Variants in ACER2 observed in about 807,000 individuals in gnomAD.
ACER2 encodes alkCDase 2.
A neutral mutation model predicts 34.7 loss-of-function variants in ACER2; 26 were observed. The observed-to-expected ratio is 0.75, with a 90% CI of 0.55 to 1.04. The LOEUF is 1.04. Among genes scored for constraint, ACER2 ranks in the 50% least tolerant of loss-of-function variants. The pLI is 0.00. For missense variants in ACER2, 352 were observed against 340.8 expected (o/e 1.03, Z -0.26); for synonymous variants, 138 against 132.1 (o/e 1.04, Z -0.31).
rs146004810 is a variant in ACER2 at position 19,450,633 on chromosome 9, G to A, written c.825G>A (p.Thr275=). 7 of 1,548,962 alleles carry A rather than the reference G, an allele frequency of 4.5e-6. No homozygotes were observed. The highest frequency in any genetic ancestry group is 2.3e-5 in the East Asian group (1 of 43,746). Residue 275 remains threonine, a synonymous_variant, in exon 6 of 6, where the codon ACG becomes ACA. Coordinates refer to ENST00000340967, the MANE Select transcript of ACER2 (RefSeq NM_001010887.3). ...CANKKSSVKI[T] is the part of the protein sequence containing the mutation. ...ACAAGAAATCATCAGTCAAGATCAC[G>A]TGATGGCAAGATGGTGGCTGGCTTC... is the stretch of plus-strand genomic sequence containing the variant.
intron 3 of ACER2, among the ~76,000 whole-genome samples, chr9:19,430,198 G>A (rs1830708758): frequency 6.7e-6 from 1 of 148,564 alleles, no homozygotes; most frequent in Non-Finnish European, 1.5e-5. Context: ...TTGGTTAAAA[G>A]GGACACAGGC....
At chr9:19,417,179 C>A (rs376090832) in intron 1 of ACER2, among the ~76,000 whole-genome samples, 1 of 152,088 alleles carries the variant, frequency 6.6e-6, no homozygotes, top group East Asian at 1.9e-4. Flanking sequence ...ATATGAAGGA[C>A]CTCTTCAAGG....
At chr9:19,446,673 C>G in intron 5 of ACER2, 1 of 973,690 alleles carries the variant, frequency 1.0e-6, no homozygotes, top group Non-Finnish European at 1.2e-6. Flanking sequence ...TTACCTCTAA[C>G]TCCATTATTA....
At chr9:19,437,205 G>C in intron 4 of ACER2, among the ~76,000 whole-genome samples, 1 of 152,166 alleles carries the variant, frequency 6.6e-6, no homozygotes, top group East Asian at 1.9e-4. Flanking sequence ...CCCAGTCAGA[G>C]CCTTCCTAAA....
intron 5 of ACER2, among the ~76,000 whole-genome samples, chr9:19,447,092 G>C (rs571914133): frequency 6.6e-6 from 1 of 152,100 alleles, no homozygotes; most frequent in Admixed American, 6.5e-5. Context: ...GGGGAAATTG[G>C]AGTGGCTTTC....
At chr9:19,409,213 G>A (rs1830009094) in intron 1 of ACER2, 21 bp downstream of exon 1, 2 of 1,562,542 alleles carry the variant, frequency 1.3e-6, no homozygotes, top group Admixed American at 1.9e-5. Context: ...CGGGAGCGGG[G>A]AAGGCAGGCG....
In ACER2 at chr9:19,409,138, C is replaced by G. The variant is rs538774152; in HGVS notation, c.54C>G (p.Asp18Glu). 21 of 1,607,170 alleles carry G rather than the reference C, an allele frequency of 1.3e-5. No individual in the cohort carries two copies. The African/African-American group carries it at 2.7e-4, about 20-fold the overall frequency. Residue 18 changes from aspartate to glutamate, a missense_variant, in exon 1 of 6, where the codon GAC (aspartate) becomes GAG (glutamate). Transcript: ENST00000340967. Reference sequence around the variant, plus strand: ...TGCAGGCTGGTAGCTCGGAGGTGGACTGGTGCGAGGACAACTACACCATCG... The same window carrying G: ...TGCAGGCTGGTAGCTCGGAGGTGGAGTGGTGCGAGGACAACTACACCATCG... The part of the protein sequence containing the change: ...DQLQAGSSEV[D>E]WCEDNYTIVP...
chr9:19,443,879 A>C (rs1298597071), intron 4 of ACER2, among the ~76,000 whole-genome samples: 1 of 151,522 alleles, frequency 6.6e-6, no homozygotes, highest in African/African-American at 2.4e-5. Flanking sequence ...CTGATCTCCA[A>C]CTCCTGATCT....
At chr9:19,427,003 C>T (rs76887054) in intron 3 of ACER2, among the ~76,000 whole-genome samples, 3,329 of 152,352 alleles carry the variant, frequency 0.022, 127 homozygotes, top group African/African-American at 0.075. Context: ...TATAGCCACT[C>T]TGTCCTCCTT....
At chr9:19,427,736 G>C (rs553474218) in intron 3 of ACER2, among the ~76,000 whole-genome samples, 13 of 149,902 alleles carry the variant, frequency 8.7e-5, no homozygotes, top group African/African-American at 3.2e-4. Flanking sequence ...GCACAATCTG[G>C]TCTCACTGCA....
At chr9:19,414,528 A>G (rs1830181516) in intron 1 of ACER2, among the ~76,000 whole-genome samples, 1 of 152,140 alleles carries the variant, frequency 6.6e-6, no homozygotes, top group Non-Finnish European at 1.5e-5. Flanking sequence ...CACACCTCTA[A>G]TCCTAGTACT....
chr9:19,426,219 C>CT (rs138630695), intron 3 of ACER2, among the ~76,000 whole-genome samples: 86 of 123,392 alleles, frequency 7.0e-4, no homozygotes, highest in African/African-American at 7.2e-4. Context: ...AACTGGTTGA[C>CT]TTTTTTTTTA....
chr9:19,446,739 G>C (rs1831379402), intron 5 of ACER2: 2 of 708,554 alleles, frequency 2.8e-6, no homozygotes, highest in African/African-American at 3.9e-5. Flanking sequence ...CTAGGTGTTG[G>C]GGGAGGGGAG....
At chr9:19,411,575 G>T (rs1830089466) in intron 1 of ACER2, among the ~76,000 whole-genome samples, 1 of 152,074 alleles carries the variant, frequency 6.6e-6, no homozygotes, top group African/African-American at 2.4e-5. Context: ...ATATTTTGAT[G>T]CTTATCACAG....
rs574215593 is a variant in ACER2 at position 19,451,041 on chromosome 9, C to T, written c.*405C>T. 32 of 154,996 alleles carry T rather than the reference C, an allele frequency of 2.1e-4. No individual in the cohort carries two copies. Among genetic ancestry groups the T allele is most frequent in the Non-Finnish European group, 3.7e-4 (26 of 69,648 alleles). The allele number at this position is 154,996 out of a possible 1,614,324, so 9.6% of individuals were successfully genotyped here. On this transcript the variant is annotated 3_prime_UTR_variant, in exon 6 of 6. Transcript: ENST00000340967. ...CAAGGGGAAAAGTGTCTATTCCTTT[C>T]CCAAAGATGGAAAATGGAGGGCTTA...
intron 1 of ACER2, among the ~76,000 whole-genome samples, chr9:19,419,644 T>A (rs1589037902): frequency 1.3e-5 from 2 of 152,218 alleles, no homozygotes; most frequent in African/African-American, 4.8e-5. Context: ...GCGCCTGTAA[T>A]CCCAGCTACT....
chr9:19,429,085 G>C (rs1179783517), intron 3 of ACER2, among the ~76,000 whole-genome samples: 1 of 151,346 alleles, frequency 6.6e-6, no homozygotes, highest in Non-Finnish European at 1.5e-5. Flanking sequence ...ACTGTGCCTG[G>C]CCTGAATTTT....
intron 3 of ACER2, among the ~76,000 whole-genome samples, chr9:19,426,351 CCTCTCTTT>C (rs1163742681): frequency 9.0e-6 from 1 of 111,640 alleles, no homozygotes; most frequent in Non-Finnish European, 1.9e-5. Flanking sequence ...TGTCTTTCTC[CCTCTCTTT>C]CTCTCTCTCT....
chr9:19,410,505 T>C (rs1031525600), intron 1 of ACER2, among the ~76,000 whole-genome samples: 15 of 152,036 alleles, frequency 9.9e-5, no homozygotes, highest in African/African-American at 3.4e-4. Context: ...AATCCAGGAG[T>C]TCGAGACCAA....
Sources: allele counts gnomAD v4.1 joint callset (sites outside exome capture counted in the v4.1 genomes callset), GRCh38; gene constraint gnomAD v4.1.1; transcripts MANE v1.5; gene names NCBI Gene and HGNC (gene_info 2026-07-23, HGNC 2026-07-21).